Variants in SHISA9 observed in about 807,000 individuals in gnomAD.
SHISA9 encodes protein shisa-9.
A neutral mutation model predicts 38.0 loss-of-function variants in SHISA9; 13 were observed. That is an observed-to-expected ratio of 0.34 (90% CI 0.22 to 0.54). The LOEUF (loss-of-function observed/expected upper bound fraction) is 0.54. Ranked by LOEUF, SHISA9 falls within the 20% of genes least tolerant of loss-of-function variation. The pLI, the probability that SHISA9 is intolerant of heterozygous loss-of-function variation, is 0.91. For missense variants in SHISA9, 538 were observed against 575.8 expected, an observed-to-expected ratio of 0.93 and a Z score of 0.67; for synonymous variants, 275 against 242.0, an observed-to-expected ratio of 1.14 and a Z score of -1.27.
At chr16:13,031,076 GC>G in intron 2 of SHISA9, among the ~76,000 whole-genome samples, 1 of 152,138 alleles carries the variant, frequency 6.6e-6, no homozygotes, top group Non-Finnish European at 1.5e-5. Context: ...TGGTGAGGGG[GC>G]TGCTGTAAGT....
At chr16:13,378,880 T>C in the SHISA9 span, among the ~76,000 whole-genome samples, 3 of 152,248 alleles carry the variant, frequency 2.0e-5, no homozygotes, top group African/African-American at 7.2e-5. Flanking sequence ...GTTGAGTGAA[T>C]CAGCATTCAG....
the SHISA9 span, among the ~76,000 whole-genome samples, chr16:13,432,508 T>G: frequency 6.6e-6 from 1 of 152,050 alleles, no homozygotes; most frequent in Admixed American, 6.5e-5. Context: ...GGCTCTAGAG[T>G]CATAGAAAAA....
the SHISA9 span, among the ~76,000 whole-genome samples, chr16:13,350,927 A>T: frequency 1.2e-4 from 18 of 152,310 alleles, no homozygotes; most frequent in African/African-American, 4.1e-4. Context: ...TGTTCCAGGG[A>T]ACATGAAGCC....
At chr16:13,249,139 G>C in the SHISA9 span, among the ~76,000 whole-genome samples, 1 of 152,196 alleles carries the variant, frequency 6.6e-6, no homozygotes, top group African/African-American at 2.4e-5. Context: ...AGGACATCTA[G>C]GTGAAGCACC....
intron 2 of SHISA9, among the ~76,000 whole-genome samples, chr16:12,949,206 AG>A (rs1330850336): frequency 1.3e-5 from 2 of 152,186 alleles, no homozygotes; most frequent in African/African-American, 4.8e-5. Context: ...TAGCAGGAAA[AG>A]TCTGGAAGGG....
chr16:13,052,466 C>G (rs1190729793), intron 2 of SHISA9, among the ~76,000 whole-genome samples: 2 of 152,172 alleles, frequency 1.3e-5, no homozygotes, highest in Non-Finnish European at 2.9e-5. Context: ...GGAGAGATTC[C>G]TCCCTTGTCC....
chr16:13,332,160 G>A, the SHISA9 span, among the ~76,000 whole-genome samples: 49 of 152,254 alleles, frequency 3.2e-4, no homozygotes, highest in African/African-American at 1.1e-3. Context: ...CTGGTATACT[G>A]GAGAAGACAG....
At chr16:13,208,443 C>CTTTTTTTTTTTTTTTTTTTTTT (rs71395107) in intron 3 of SHISA9, among the ~76,000 whole-genome samples, 12 of 125,064 alleles carry the variant, frequency 9.6e-5, no homozygotes, top group Non-Finnish European at 1.4e-4. Context: ...CTTTTTTTTT[C>CTTTTTTTTTTTTTTTTTTTTTT]TTTTTTTTTT....
At chr16:13,299,721 A>AC in the SHISA9 span, among the ~76,000 whole-genome samples, 4 of 151,760 alleles carry the variant, frequency 2.6e-5, no homozygotes, top group Non-Finnish European at 4.4e-5. Flanking sequence ...AAAAAAAAAA[A>AC]AAACAAAAAA....
chr16:13,020,864 A>G (rs2072843915), intron 2 of SHISA9, among the ~76,000 whole-genome samples: 1 of 152,206 alleles, frequency 6.6e-6, no homozygotes, highest in Non-Finnish European at 1.5e-5. Context: ...GATTTCTGTC[A>G]CTTACCCTTC....
At chr16:13,057,657 A>T (rs1412280504) in intron 2 of SHISA9, among the ~76,000 whole-genome samples, 1 of 152,072 alleles carries the variant, frequency 6.6e-6, no homozygotes, top group East Asian at 1.9e-4. Context: ...TTTTTAATTT[A>T]ATTTTATTTA....
the SHISA9 span, among the ~76,000 whole-genome samples, chr16:13,324,652 T>C: frequency 6.6e-6 from 1 of 152,094 alleles, no homozygotes; most frequent in Non-Finnish European, 1.5e-5. Flanking sequence ...ATAGAACCAA[T>C]AGAATTGTAA....
chr16:12,922,603 C>T (rs141055018), intron 2 of SHISA9, among the ~76,000 whole-genome samples: 13 of 152,268 alleles, frequency 8.5e-5, no homozygotes, highest in African/African-American at 2.9e-4. Flanking sequence ...CATTGCGACC[C>T]CTGCCTCCCA....
At chr16:12,916,568 G>A (rs2071259861) in intron 1 of SHISA9, 120 bp from the exon 2 acceptor site, 1 of 1,209,546 alleles carries the variant, frequency 8.3e-7, no homozygotes, top group East Asian at 2.8e-5. Flanking sequence ...CCCCTAACTA[G>A]AATGGTGGCT....
chr16:13,134,103 A>G (rs902825527), intron 2 of SHISA9, among the ~76,000 whole-genome samples: 13 of 152,122 alleles, frequency 8.5e-5, no homozygotes, highest in Non-Finnish European at 1.2e-4. Context: ...CTGGTCATAC[A>G]CGGATTGCTG....
rs562086883 is a variant in SHISA9 at position 13,238,761 on chromosome 16, G to T, written c.*3352G>T. 2.0e-5 allele frequency: 3 copies of T among 151,064 alleles called. No homozygotes were observed. Among genetic ancestry groups the T allele is most frequent in the African/African-American group, 7.3e-5 (3 of 41,280 alleles). 9.4% of individuals were successfully genotyped at this position (151,064 alleles called of 1,614,324 possible). ...TTTGGGAGATGAACTGAAGAGGGAA[G>T]TTTGGATAGGGAAGGTCTTTTTATT... On this transcript the variant is annotated 3_prime_UTR_variant, in exon 5 of 5. Coordinates refer to ENST00000558583, the MANE Select transcript of SHISA9 (RefSeq NM_001145204.3).
rs772651128 is a variant in SHISA9, at chr16:12,902,376, C to T, written c.312C>T (p.Phe104=). 8.4e-6 allele frequency: 13 copies of T among 1,551,282 alleles called. No homozygotes were observed. The highest frequency in any genetic ancestry group is 1.1e-5 in the Non-Finnish European group (13 of 1,146,982). The change falls in exon 1 of 5, where the codon TTC becomes TTT. Residue 104 remains phenylalanine, a synonymous_variant. Transcript: ENST00000558583. ...TCTTCTGCTGCGGGACTTGTGGCTT[C>T]CGGTTCTGCTGCACGTTTAAGAAGC... ...DFIFCCGTCG[F]RFCCTFKKRR...
chr16:13,352,930 G>T, the SHISA9 span, among the ~76,000 whole-genome samples: 1 of 152,124 alleles, frequency 6.6e-6, no homozygotes, highest in African/African-American at 2.4e-5. Context: ...AGTTAAGGTG[G>T]GGCAGGGCAT....
At chr16:13,415,259 A>G in the SHISA9 span, among the ~76,000 whole-genome samples, 1 of 152,218 alleles carries the variant, frequency 6.6e-6, no homozygotes, top group African/African-American at 2.4e-5. Context: ...ATGCAGCTAT[A>G]AAAAAGAATA....
Sources: allele counts gnomAD v4.1 joint callset (sites outside exome capture counted in the v4.1 genomes callset), GRCh38; gene constraint gnomAD v4.1.1; transcripts MANE v1.5; gene names NCBI Gene and HGNC (gene_info 2026-07-23, HGNC 2026-07-21).